Variants in KIF26B observed in about 807,000 individuals in gnomAD.
The protein encoded by KIF26B is kinesin family member 26B.
KIF26B carries 63 observed loss-of-function variants against 151.2 expected under a neutral mutation model. The ratio of observed to expected loss-of-function variants is 0.42; its 90% confidence interval spans 0.34 to 0.51. KIF26B has a LOEUF of 0.51. Ranked by LOEUF, KIF26B falls within the 20% of genes least tolerant of loss-of-function variation. The pLI, the probability that KIF26B is intolerant of heterozygous loss-of-function variation, is 0.07. For synonymous variants in KIF26B, 1,357 were observed against 1,262.1 expected, an observed-to-expected ratio of 1.08 and a Z score of -1.59; for missense variants, 2,813 against 2,913.6, an observed-to-expected ratio of 0.97 and a Z score of 0.79.
chr1:245,376,835 C>A (rs972086234), intron 3 of KIF26B, among the ~76,000 whole-genome samples: 4 of 151,044 alleles, frequency 2.6e-5, no homozygotes, highest in African/African-American at 9.8e-5. Context: ...TTACAGGTGC[C>A]CACCACCACA....
At chr1:245,199,304 C>CCCTCCCT (rs973687467) in intron 2 of KIF26B, among the ~76,000 whole-genome samples, 1 of 151,996 alleles carries the variant, frequency 6.6e-6, no homozygotes, top group Non-Finnish European at 1.5e-5. Context: ...ATATATACTC[C>CCCTCCCT]CCTCCCTCCT....
chr1:245,671,893 C>T (rs12043476), intron 10 of KIF26B, among the ~76,000 whole-genome samples: 23,218 of 152,110 alleles, frequency 0.15, 2,210 homozygotes, highest in East Asian at 0.44. Context: ...GTGTTCAGGG[C>T]GTAGTGAATA....
At position 245,367,829 on chromosome 1, in the gene KIF26B, G is replaced by C. The variant is rs1019289735; in HGVS notation, c.999+462G>C. On this transcript the variant is annotated intron_variant, in intron 3 of 14. Coordinates refer to ENST00000407071, the MANE Select transcript of KIF26B (RefSeq NM_018012.4). The surrounding 1 kb of genome is among the most constrained non-coding windows in gnomAD (Gnocchi z 4.2). ...AAGTCCCTCATTTATAAATGGATGTGAGTCACGAGAATTAAATAAGGTAGT... is the reference window on the plus strand; with the variant it reads ...AAGTCCCTCATTTATAAATGGATGTCAGTCACGAGAATTAAATAAGGTAGT... Among the ~76,000 whole-genome samples the C allele has an allele frequency of 1.3e-5, 2 of 152,218 alleles. No individual in the cohort carries two copies. Among genetic ancestry groups the C allele is most frequent in the African/African-American group, 4.8e-5 (2 of 41,458 alleles).
At chr1:245,369,174 A>AGAGG (rs1404216752) in intron 3 of KIF26B, among the ~76,000 whole-genome samples, 3 of 123,498 alleles carry the variant, frequency 2.4e-5, no homozygotes, top group African/African-American at 1.2e-4. Flanking sequence ...AGAGTGAGAG[A>AGAGG]GAGAGAGAGA....
chr1:245,294,748 C>T (rs1021239368), intron 2 of KIF26B, among the ~76,000 whole-genome samples: 9 of 152,048 alleles, frequency 5.9e-5, no homozygotes, highest in African/African-American at 2.2e-4. Flanking sequence ...CTGCAACCTC[C>T]ACCTCCCGGG....
rs1329467663 is a variant in KIF26B at position 245,619,162 on chromosome 1, T to G, written c.2098+7186T>G. Reference sequence around the variant, plus strand: ...TGAGCTTGTCCAAGCCCTATTAAACTATGGGTTCCTTGAGACAGACTGCCA... The same window carrying G: ...TGAGCTTGTCCAAGCCCTATTAAACGATGGGTTCCTTGAGACAGACTGCCA... On this transcript the variant is annotated intron_variant, in intron 9 of 14. Transcript: ENST00000407071. 1.4e-5 allele frequency among the ~76,000 whole-genome samples: 2 copies of G among 143,726 alleles called. 1 individual carries two copies. The highest frequency in any genetic ancestry group is 5.3e-5 in the African/African-American group (2 of 37,558). The allele number at this position is 143,726 out of a possible 152,430, so 94.3% of individuals were successfully genotyped here.
chr1:245,173,182 G>GAT (rs1165285849), intron 2 of KIF26B, among the ~76,000 whole-genome samples: 19 of 152,340 alleles, frequency 1.2e-4, no homozygotes, highest in African/African-American at 4.6e-4. Context: ...GGTGATATGA[G>GAT]ATACTTAGTG....
At position 245,239,861 on chromosome 1, in the gene KIF26B, A is replaced by G. The variant is rs1046111125; in HGVS notation, c.465+83178A>G. On this transcript the variant is annotated intron_variant, in intron 2 of 14. Coordinates refer to ENST00000407071, the MANE Select transcript of KIF26B (RefSeq NM_018012.4). This position sits in a 1 kb window ranked among gnomAD's most constrained non-coding sequence, Gnocchi z 4.3. ...CAAAAGTTGTCTTTCCTGACAGTGT[A>G]TTTTTATTTTACTATATAAAGAGTC... is the stretch of plus-strand genomic sequence containing the variant. 6.6e-6 allele frequency among the ~76,000 whole-genome samples: 1 copy of G among 151,684 alleles called. No homozygotes were observed. Among genetic ancestry groups the G allele is most frequent in the Non-Finnish European group, 1.5e-5 (1 of 67,972 alleles).
At chr1:245,493,636 C>T (rs2103075086) in intron 4 of KIF26B, among the ~76,000 whole-genome samples, 1 of 152,318 alleles carries the variant, frequency 6.6e-6, no homozygotes, top group Middle Eastern at 3.4e-3. Context: ...TGTGCAGAAG[C>T]TTCCTACTGA....
chr1:245,241,850 G>A lies in KIF26B; in HGVS notation c.465+85167G>A, dbSNP rs1000095618. Among the ~76,000 whole-genome samples, 2 of 152,092 alleles carry A rather than the reference G, an allele frequency of 1.3e-5. No individual in the cohort carries two copies. The highest frequency in any genetic ancestry group is 4.2e-4 in the South Asian group (2 of 4,814). On this transcript the variant is annotated intron_variant, in intron 2 of 14. Coordinates refer to ENST00000407071, the MANE Select transcript of KIF26B (RefSeq NM_018012.4). This position sits in a 1 kb window ranked among gnomAD's most constrained non-coding sequence, Gnocchi z 5.0. ...GCCCTGGTGGATCCCCTTAGCCTGT[G>A]GTATGAGCTCAGTCCCCATTTCTCA...
At chr1:245,701,904 G>A (rs1166769828) in intron 14 of KIF26B, among the ~76,000 whole-genome samples, 1 of 152,178 alleles carries the variant, frequency 6.6e-6, no homozygotes, top group Non-Finnish European at 1.5e-5. Context: ...ACAAAGCAGG[G>A]GACTTGATGC....
chr1:245,276,623 G>A (rs913455621), intron 2 of KIF26B, among the ~76,000 whole-genome samples: 7 of 152,302 alleles, frequency 4.6e-5, no homozygotes, highest in Admixed American at 3.9e-4. Context: ...CGGGAGAAGC[G>A]AGGAGCTGGC....
intron 9 of KIF26B, among the ~76,000 whole-genome samples, chr1:245,638,113 TATTA>T (rs746210184): frequency 8.0e-4 from 121 of 152,160 alleles, no homozygotes; most frequent in South Asian, 3.9e-3. Context: ...ATTTTAATAA[TATTA>T]ATTCTTCTTT....
intron 5 of KIF26B, among the ~76,000 whole-genome samples, chr1:245,541,663 T>A (rs908186163): frequency 2.0e-5 from 3 of 152,150 alleles, no homozygotes; most frequent in Non-Finnish European, 4.4e-5. Flanking sequence ...GCGGTTTAAT[T>A]TTTTATTTTT....
rs2044841123 is a variant in KIF26B, at chr1:245,706,374, A to T, written c.*3768A>T. 6.6e-6 allele frequency: 1 copy of T among 152,220 alleles called. No individual in the cohort carries two copies. The highest frequency in any genetic ancestry group is 1.5e-5 in the Non-Finnish European group (1 of 68,032). 9.4% of individuals were successfully genotyped at this position (152,220 alleles called of 1,614,324 possible). A position where few individuals can be genotyped will look rare whatever the true frequency, so the allele number is the denominator to read the frequency against. The stretch of plus-strand genomic sequence containing the variant: ...CTTCTTTGGATAGAAGGCAAGGCTG[A>T]CAAATCTGCAGATTTGTTCAATGCA... On this transcript the variant is annotated 3_prime_UTR_variant, in exon 15 of 15. Coordinates refer to ENST00000407071, the MANE Select transcript of KIF26B (RefSeq NM_018012.4).
intron 5 of KIF26B, among the ~76,000 whole-genome samples, chr1:245,586,158 A>AGTT (rs2043221418): frequency 7.0e-6 from 1 of 142,090 alleles, no homozygotes; most frequent in African/African-American, 2.6e-5. Context: ...CACCATGACC[A>AGTT]GTGTGTGTGT....
chr1:245,618,020 G>A (rs1189213353), intron 9 of KIF26B, among the ~76,000 whole-genome samples: 3 of 152,048 alleles, frequency 2.0e-5, no homozygotes, highest in African/African-American at 7.2e-5. Context: ...TCATGCTTAT[G>A]TTTTCAGCCT....
chr1:245,694,398 A>C (rs1399380237), intron 12 of KIF26B, among the ~76,000 whole-genome samples: 1 of 152,208 alleles, frequency 6.6e-6, no homozygotes, highest in East Asian at 1.9e-4. Context: ...ACAGTGGGCG[A>C]TGGAGCGAAA....
rs1558284334 is a variant in KIF26B, at chr1:245,706,496, T to C, written c.*3890T>C. The C allele has an allele frequency of 6.6e-6, 1 of 152,214 alleles. No homozygotes were observed. Among genetic ancestry groups the C allele is most frequent in the Non-Finnish European group, 1.5e-5 (1 of 68,028 alleles). 9.4% of individuals were successfully genotyped at this position (152,214 alleles called of 1,614,324 possible). A position where few individuals can be genotyped will look rare whatever the true frequency, so the allele number is the denominator to read the frequency against. On this transcript the variant is annotated 3_prime_UTR_variant, in exon 15 of 15. Transcript: ENST00000407071. ...CCAAAAAGGATTTTAGACTGTAAAA[T>C]GACTAAAGATGAGTTAATTTCCAAA...
Sources: gnomAD v4.1 joint callset for allele counts (sites outside exome capture counted in the v4.1 genomes callset) on GRCh38, gnomAD v4.1.1 for gene constraint, Gnocchi (gnomAD v3.1) non-coding constraint, MANE v1.5 for transcripts, NCBI Gene and HGNC (gene_info 2026-07-23, HGNC 2026-07-21) for gene names.